Variants in LINGO2 observed in about 807,000 individuals in gnomAD.
LINGO2 encodes the protein leucine rich repeat and Ig domain containing 2.
LINGO2 carries 14 observed loss-of-function variants against 30.6 expected under a neutral mutation model. That is an observed-to-expected ratio of 0.46 (90% confidence interval 0.30 to 0.72). The LOEUF (loss-of-function observed/expected upper bound fraction) is 0.72. Ranked by LOEUF, LINGO2 falls within the 30% of genes least tolerant of loss-of-function variation. LINGO2 has a pLI of 0.07. For missense variants in LINGO2, 729 were observed against 751.7 expected, an observed-to-expected ratio of 0.97 and a Z score of 0.35; for synonymous variants, 317 against 288.5, an observed-to-expected ratio of 1.10 and a Z score of -1.00.
intron 3 of LINGO2, among the ~76,000 whole-genome samples, chr9:28,361,084 A>T (rs750470982): frequency 2.0e-5 from 3 of 152,180 alleles, no homozygotes; most frequent in Admixed American, 6.5e-5. Flanking sequence ...GATGTGAATT[A>T]TCTCTTTGTC....
Position 28,431,029 on chromosome 9 carries a change from T to TGAGAGAGAGAGAGAGAGA in LINGO2, c.-279+44893_-279+44910dup, listed in dbSNP as rs57751993. 4.8e-4 allele frequency among the ~76,000 whole-genome samples: 62 copies of TGAGAGAGAGAGAGAGAGA among 129,436 alleles called. 1 individual carries two copies. The highest frequency in any genetic ancestry group is 1.1e-3 in the South Asian group (4 of 3,782). 84.9% of individuals were successfully genotyped at this position (129,436 alleles called of 152,430 possible). ...AACTTGCTTACTACAGCATGAGTGA[T>TGAGAGAGAGAGAGAGAGA]GAGAGAGAGAGAGAGAGAGAGAGAG... On this transcript the variant is annotated intron_variant, in intron 2 of 5. Transcript: ENST00000379992.
At chr9:28,878,457 A>G in the LINGO2 span, among the ~76,000 whole-genome samples, 1 of 152,184 alleles carries the variant, frequency 6.6e-6, no homozygotes, top group Non-Finnish European at 1.5e-5. Flanking sequence ...CAATCAATAG[A>G]AAAAGAGGGA....
the LINGO2 span, among the ~76,000 whole-genome samples, chr9:28,848,126 CTATATATAGCATATATAT>C: frequency 1.1e-5 from 1 of 88,832 alleles, no homozygotes; most frequent in Non-Finnish European, 2.3e-5. Context: ...TATATATACA[CTATATATAGCATATATAT>C]ACTATATATA....
chr9:28,823,913 A>T, the LINGO2 span, among the ~76,000 whole-genome samples: 1 of 152,176 alleles, frequency 6.6e-6, no homozygotes, highest in Non-Finnish European at 1.5e-5. Context: ...TTCAGTGTAT[A>T]GCCCTTAGTT....
chr9:28,954,557 A>T, the LINGO2 span, among the ~76,000 whole-genome samples: 4 of 152,172 alleles, frequency 2.6e-5, no homozygotes, highest in African/African-American at 9.7e-5. Flanking sequence ...GCCAGATTGA[A>T]TTGTGCTAAG....
intron 4 of LINGO2, among the ~76,000 whole-genome samples, chr9:28,034,171 G>A (rs1050175803): frequency 9.2e-5 from 14 of 152,152 alleles, no homozygotes; most frequent in Admixed American, 6.5e-4. Context: ...TTGCTGGGGC[G>A]TTCAGCAGCC....
chr9:28,669,995 G>A (rs1390555676), intron 1 of LINGO2, among the ~76,000 whole-genome samples: 1 of 151,968 alleles, frequency 6.6e-6, no homozygotes, highest in Non-Finnish European at 1.5e-5. Context: ...AAACCCAGCA[G>A]TGGATTGTCA....
the LINGO2 span, among the ~76,000 whole-genome samples, chr9:29,171,900 G>C: frequency 6.6e-6 from 1 of 151,786 alleles, no homozygotes; most frequent in African/African-American, 2.4e-5. Flanking sequence ...AAAATACATT[G>C]TGAGAATTCT....
chr9:28,152,576 A>T (rs1196914854), intron 4 of LINGO2, among the ~76,000 whole-genome samples: 2 of 152,206 alleles, frequency 1.3e-5, no homozygotes, highest in Non-Finnish European at 2.9e-5. Flanking sequence ...AATAAACTCA[A>T]ATATATACAA....
At chr9:29,110,769 C>A in the LINGO2 span, among the ~76,000 whole-genome samples, 1 of 152,010 alleles carries the variant, frequency 6.6e-6, no homozygotes, top group Non-Finnish European at 1.5e-5. Flanking sequence ...CGGCTCACTG[C>A]AAGCTCCGCC....
intron 3 of LINGO2, among the ~76,000 whole-genome samples, chr9:28,311,974 T>G (rs566537032): frequency 1.2e-4 from 18 of 152,278 alleles, no homozygotes; most frequent in African/African-American, 4.1e-4. Context: ...GGGGAACTAA[T>G]AAATGTCCAT....
intron 4 of LINGO2, among the ~76,000 whole-genome samples, chr9:28,111,985 T>C (rs1189845894): frequency 6.9e-6 from 1 of 144,044 alleles, no homozygotes; most frequent in African/African-American, 2.6e-5. Flanking sequence ...TGTATACATG[T>C]GCCATGCTGG....
At chr9:29,075,589 TTTGA>T in the LINGO2 span, among the ~76,000 whole-genome samples, 1 of 152,212 alleles carries the variant, frequency 6.6e-6, no homozygotes, top group African/African-American at 2.4e-5. Context: ...TTTTTATTGC[TTTGA>T]TTAATAAATA....
chr9:28,142,136 T>C (rs1477427194), intron 4 of LINGO2, among the ~76,000 whole-genome samples: 3 of 148,026 alleles, frequency 2.0e-5, no homozygotes, highest in Non-Finnish European at 4.4e-5. Flanking sequence ...TCTTTGGAAC[T>C]GATTGGGTTA....
chr9:28,991,426 G>C, the LINGO2 span, among the ~76,000 whole-genome samples: 1 of 150,320 alleles, frequency 6.7e-6, no homozygotes, highest in Non-Finnish European at 1.5e-5. Flanking sequence ...ATGGAACCAA[G>C]TTGGAAAACA....
chr9:29,154,676 G>A, the LINGO2 span, among the ~76,000 whole-genome samples: 2 of 152,046 alleles, frequency 1.3e-5, no homozygotes, highest in Non-Finnish European at 2.9e-5. Context: ...ATTTTATAAG[G>A]AAAACAAATA....
At chr9:28,633,124 C>A (rs931315305) in intron 1 of LINGO2, among the ~76,000 whole-genome samples, 16 of 151,750 alleles carry the variant, frequency 1.1e-4, no homozygotes, top group Non-Finnish European at 2.9e-5. Context: ...TGTTTTTCTG[C>A]CTGCTTTTTA....
chr9:28,963,619 C>G, the LINGO2 span, among the ~76,000 whole-genome samples: 1 of 150,910 alleles, frequency 6.6e-6, no homozygotes, highest in Non-Finnish European at 1.5e-5. Context: ...GAAATCCTGT[C>G]ATTTGCAGCA....
chr9:28,571,444 T>A (rs968351279), intron 1 of LINGO2, among the ~76,000 whole-genome samples: 1 of 152,046 alleles, frequency 6.6e-6, no homozygotes, highest in African/African-American at 2.4e-5. Flanking sequence ...ATAATAATTA[T>A]CGTTATCACA....
Sources: allele counts gnomAD v4.1 joint callset (sites outside exome capture counted in the v4.1 genomes callset), GRCh38; gene constraint gnomAD v4.1.1; transcripts MANE v1.5; gene names NCBI Gene and HGNC (gene_info 2026-07-23, HGNC 2026-07-21).